Variants in MED10 observed in about 807,000 individuals in gnomAD.
MED10 encodes mediator complex subunit 10.
Under a neutral mutation model 17.2 loss-of-function variants are expected in MED10, and 9 were observed. The observed-to-expected ratio is 0.52, with a 90% CI of 0.31 to 0.91. The LOEUF (loss-of-function observed/expected upper bound fraction) is 0.91, where lower values mean the gene tolerates loss of function less well. Ranked by LOEUF, MED10 falls within the 40% of genes least tolerant of loss-of-function variation. The probability of loss-of-function intolerance (pLI) is 0.04; values close to 1 mark genes in which losing one functional copy is unlikely to be tolerated. For missense variants in MED10, 129 were observed against 164.8 expected, an observed-to-expected ratio of 0.78 and a Z score of 1.19; for synonymous variants, 66 against 59.8, an observed-to-expected ratio of 1.10 and a Z score of -0.48.
In MED10 at chr5:6,378,248, C is replaced by T. The variant is rs182190613; in HGVS notation, c.122+114G>A. 7 of 1,382,054 alleles carry T rather than the reference C, an allele frequency of 5.1e-6. No homozygotes were observed. In the East Asian group the frequency reaches 1.6e-4, roughly 31 times the overall value. The allele number at this position is 1,382,054 out of a possible 1,614,324, so 85.6% of individuals were successfully genotyped here. On this transcript the variant is annotated intron_variant, in intron 1 of 3. Coordinates refer to ENST00000255764, the MANE Select transcript of MED10 (RefSeq NM_032286.3). ...CTCCGGGACCAGACCAGAGGGCTGG[C>T]GGGGCACGAGTAGCGGTCAGGCTCG...
rs73041803 is a variant in MED10, at chr5:6,374,569, G to A, written c.207-143C>T. On this transcript the variant is annotated intron_variant, in intron 2 of 3. Transcript: ENST00000255764. ...GACAAAACTCAGTGTAGGAACCAGG[G>A]GAATTAATATTCCCTCATTTACACA... The A allele has an allele frequency of 7.3e-4, 450 of 617,788 alleles. 1 individual carries two copies. In the African/African-American group the frequency reaches 7.5e-3, roughly 10 times the overall value. 38.3% of individuals were successfully genotyped at this position (617,788 alleles called of 1,614,324 possible). A position where few individuals can be genotyped will look rare whatever the true frequency, so the allele number is the denominator to read the frequency against.
chr5:6,377,333 G>A (rs772635614), intron 1 of MED10, 84 bp from the exon 2 acceptor site: 18 of 946,994 alleles, frequency 1.9e-5, no homozygotes, highest in Non-Finnish European at 2.7e-5. Context: ...CAGCCAACCG[G>A]GGCTCCACGC....
chr5:6,374,681 TC>T, intron 2 of MED10: 1 of 416,182 alleles, frequency 2.4e-6, no homozygotes, highest in Non-Finnish European at 4.5e-6. Flanking sequence ...CAAGCACGCT[TC>T]ACAAGCCATA....
chr5:6,378,462 G>C lies in MED10; in HGVS notation c.22C>G (p.Leu8Val). 6.8e-6 allele frequency: 11 copies of C among 1,613,248 alleles called. No homozygotes were observed. The highest frequency in any genetic ancestry group is 9.3e-6 in the Non-Finnish European group (11 of 1,179,600). ...ACGAACTTCTCCAGGTGCTCCTCTA[G>C]GTGGTCAAACTTCTCCGCCATCGCC... is the stretch of plus-strand genomic sequence containing the variant. The part of the protein sequence containing the change: MAEKFDH[L>V]EEHLEKFVEN... The change falls in exon 1 of 4, where the codon CTA becomes GTA. Residue 8 changes from leucine (L) to valine (V), a missense_variant. Transcript: ENST00000255764.
chr5:6,374,089 A>G (rs1368170496), intron 3 of MED10, among the ~76,000 whole-genome samples: 2 of 152,378 alleles, frequency 1.3e-5, no homozygotes, highest in Non-Finnish European at 1.5e-5. Context: ...GAGAACTACT[A>G]TCACAAAAAT....
chr5:6,375,439 A>G (rs1380873914), intron 2 of MED10, among the ~76,000 whole-genome samples: 1 of 152,230 alleles, frequency 6.6e-6, no homozygotes, highest in Non-Finnish European at 1.5e-5. Context: ...AAAACATCAC[A>G]AGTTCTAGAA....
intron 3 of MED10, among the ~76,000 whole-genome samples, chr5:6,372,983 G>A (rs983452909): frequency 5.3e-5 from 8 of 152,166 alleles, no homozygotes; most frequent in African/African-American, 7.2e-5. Flanking sequence ...CAATCAAAAC[G>A]AGCGGCCCTC....
chr5:6,378,491 G>A lies in MED10; in HGVS notation c.-8C>T, dbSNP rs373895143. ...GTCAAACTTCTCCGCCATCGCCTCG[G>A]CCCGTCCCCGACCCACACAGCCTCA... On this transcript the variant is annotated 5_prime_UTR_variant, in exon 1 of 4. Transcript: ENST00000255764. The A allele has an allele frequency of 1.1e-5, 18 of 1,610,018 alleles. No individual in the cohort carries two copies. The African/African-American group carries it at 1.7e-4, about 16-fold the overall frequency.
chr5:6,374,002 T>C (rs750343255), intron 3 of MED10, among the ~76,000 whole-genome samples: 2 of 152,124 alleles, frequency 1.3e-5, no homozygotes, highest in Non-Finnish European at 2.9e-5. Context: ...CCTTCAACAG[T>C]AGGAATTACT....
chr5:6,377,985 C>T (rs1738035506), intron 1 of MED10, among the ~76,000 whole-genome samples: 1 of 152,222 alleles, frequency 6.6e-6, no homozygotes, highest in Admixed American at 6.5e-5. Flanking sequence ...AGCCTGCCTC[C>T]CCTCTGGAGA....
chr5:6,373,573 G>A (rs967543781), intron 3 of MED10, among the ~76,000 whole-genome samples: 1 of 152,114 alleles, frequency 6.6e-6, no homozygotes, highest in African/African-American at 2.4e-5. Context: ...GATGACAGGA[G>A]AAAAGAACAC....
intron 2 of MED10, 94 bp from the exon 3 acceptor site, chr5:6,374,520 T>C: frequency 1.1e-6 from 1 of 879,122 alleles, no homozygotes; most frequent in Non-Finnish European, 1.9e-6. Flanking sequence ...GTTAGGTATA[T>C]ATAACTGCAC....
intron 3 of MED10, 46 bp downstream of exon 3, chr5:6,374,278 A>G: frequency 1.5e-6 from 2 of 1,310,634 alleles, no homozygotes; most frequent in Non-Finnish European, 1.1e-6. Flanking sequence ...TTCCACTGAG[A>G]AGGCATCTCT....
intron 2 of MED10, among the ~76,000 whole-genome samples, chr5:6,376,599 C>A (rs1475718900): frequency 6.6e-6 from 1 of 152,178 alleles, no homozygotes; most frequent in Non-Finnish European, 1.5e-5. Flanking sequence ...AACATAGGTG[C>A]ACACAACTCT....
In MED10 at chr5:6,373,930, A is replaced by C. The variant is rs1318482936; in HGVS notation, c.309+394T>G. On this transcript the variant is annotated intron_variant, in intron 3 of 3. Coordinates refer to ENST00000255764, the MANE Select transcript of MED10 (RefSeq NM_032286.3). ...AAGAAGTTTGGAGGTCAGAAGCTGG[A>C]CAAAGAGAAAAATCAATATTCAAGA... 2.4e-4 allele frequency among the ~76,000 whole-genome samples: 36 copies of C among 152,256 alleles called. 1 individual carries two copies. The highest frequency in any genetic ancestry group is 2.4e-3 in the Admixed American group (36 of 15,288).
At chr5:6,376,199 CCT>C (rs2111436465) in intron 2 of MED10, among the ~76,000 whole-genome samples, 1 of 152,296 alleles carries the variant, frequency 6.6e-6, no homozygotes, top group African/African-American at 2.4e-5. Context: ...AAGAAAACCA[CCT>C]CTGTGTCCTG....
At chr5:6,373,247 C>T (rs796287877) in intron 3 of MED10, among the ~76,000 whole-genome samples, 7 of 152,278 alleles carry the variant, frequency 4.6e-5, no homozygotes, top group African/African-American at 9.6e-5. Context: ...TCGGCCAGAG[C>T]GCCAAGAGGC....
chr5:6,374,467 A>C, intron 2 of MED10, 41 bp from the exon 3 acceptor site: 1 of 1,352,448 alleles, frequency 7.4e-7, no homozygotes, highest in Non-Finnish European at 1.1e-6. Flanking sequence ...CTCATGACTG[A>C]CACCTATTCT....
chr5:6,377,289 G>T, intron 1 of MED10, 40 bp from the exon 2 acceptor site: 1 of 1,502,808 alleles, frequency 6.7e-7, no homozygotes, highest in Non-Finnish European at 9.2e-7. Context: ...GGTTAATTTC[G>T]CTTGACAGCA....
Sources: gnomAD v4.1 joint callset for allele counts (sites outside exome capture counted in the v4.1 genomes callset) on GRCh38, gnomAD v4.1.1 for gene constraint, MANE v1.5 for transcripts, NCBI Gene and HGNC (gene_info 2026-07-23, HGNC 2026-07-21) for gene names.